The following RPL3L variants were observed in gnomAD, a reference collection of about 807,000 sequenced individuals.
RPL3L encodes the protein ribosomal protein uL3-like.
In RPL3L, 44 loss-of-function variants were observed where a neutral mutation model predicts 44.5. That is an observed-to-expected ratio of 0.99 (90% CI 0.78 to 1.27). The LOEUF is 1.27. RPL3L is among the 50% of genes most tolerant of loss of function. The probability of loss-of-function intolerance (pLI) is 0.00; values close to 1 mark genes in which losing one functional copy is unlikely to be tolerated. For missense variants in RPL3L, 631 were observed against 569.1 expected (o/e 1.11, Z -1.11); for synonymous variants, 292 against 230.7 (o/e 1.27, Z -2.41).
At chr16:1,948,461 G>C (rs2083142210) in intron 4 of RPL3L, among the ~76,000 whole-genome samples, 1 of 151,954 alleles carries the variant, frequency 6.6e-6, no homozygotes, top group African/African-American at 2.4e-5. Context: ...CTGACTTCAA[G>C]CGATCCACCC....
In RPL3L at chr16:1,954,036, T is replaced by A; in HGVS notation, c.116A>T (p.Gln39Leu). 2 of 1,608,434 alleles carry A rather than the reference T, an allele frequency of 1.2e-6. No homozygotes were observed. Among genetic ancestry groups the A allele is most frequent in the Non-Finnish European group, 1.7e-6 (2 of 1,177,872 alleles). ...VKTWPRDDPSQPVHLTAFLGY... is the reference protein window; with the variant it reads ...VKTWPRDDPSLPVHLTAFLGY... ...CAGGAAGGCCGTGAGGTGCACGGGCTGGCTGGGGTCATCCCGCGGCCACGT... is the reference window on the plus strand; with the variant it reads ...CAGGAAGGCCGTGAGGTGCACGGGCAGGCTGGGGTCATCCCGCGGCCACGT... Residue 39 changes from glutamine (Q) to leucine (L), a missense_variant, in exon 2 of 10, where the codon CAG becomes CTG. Gln to Leu is a moderately radical substitution (Grantham distance 113). Transcript: ENST00000268661.
chr16:1,952,465 C>G (rs1356801396), intron 3 of RPL3L, among the ~76,000 whole-genome samples: 1 of 152,110 alleles, frequency 6.6e-6, no homozygotes, highest in African/African-American at 2.4e-5. Context: ...CAACCTTCAC[C>G]TCCCAGTTCA....
At chr16:1,953,520 T>G (rs970968886) in intron 2 of RPL3L, among the ~76,000 whole-genome samples, 1 of 152,196 alleles carries the variant, frequency 6.6e-6, no homozygotes, top group South Asian at 2.1e-4. Context: ...ATGCCCGGCC[T>G]GCATTATTTC....
intron 9 of RPL3L, 39 bp downstream of exon 9, chr16:1,945,460 A>G (rs767944123): frequency 5.1e-6 from 8 of 1,583,000 alleles, no homozygotes; most frequent in African/African-American, 2.7e-5. Context: ...GTGGAGCTGG[A>G]GCCCCAGAGA....
rs772995166 is a variant in RPL3L at position 1,945,936 on chromosome 16, GAGGACAC to G, written c.952-13_952-7del. On this transcript the variant is annotated splice_region_variant and splice_polypyrimidine_tract_variant and intron_variant, in intron 7 of 9. Coordinates refer to ENST00000268661, the MANE Select transcript of RPL3L (RefSeq NM_005061.3). ...CCGTAGTGGGGGAAGCCACCCTGCA[GAGGACAC>G]AGGTCAGAGGCCAGGCCCGGAAAGG... 1 of 1,606,852 alleles carries G rather than the reference GAGGACAC, an allele frequency of 6.2e-7. No homozygotes were observed. The highest frequency in any genetic ancestry group is 8.5e-7 in the Non-Finnish European group (1 of 1,176,432).
In RPL3L at chr16:1,950,819, C is replaced by T. The variant is rs572872932; in HGVS notation, c.501+25G>A. The T allele has an allele frequency of 4.2e-5, 68 of 1,613,842 alleles. 2 individuals carry two copies. In the South Asian group the frequency reaches 5.7e-4, roughly 14 times the overall value. ...AGGGAGCGTGGTCCTAGGGACTGAC[C>T]GACAGCGGAGGGCCGGGGGCTGACC... On this transcript the variant is annotated intron_variant, in intron 4 of 9. Transcript: ENST00000268661.
chr16:1,953,018 T>C lies in RPL3L; in HGVS notation c.221A>G (p.Glu74Gly), dbSNP rs752168626. The change falls in exon 3 of 10, where the codon GAG becomes GGG. Residue 74 changes from glutamate to glycine, a missense_variant. Physicochemically the swap from Glu to Gly is moderately conservative, Grantham distance 98 (BLOSUM62 -2). Transcript: ENST00000268661. Reference sequence around the variant, plus strand: ...CGGCGTTTCTACAATTGTCACCGCCTCCACCTCCTCCCGTTTGGAAATTTC... The same window carrying C: ...CGGCGTTTCTACAATTGTCACCGCCCCCACCTCCTCCCGTTTGGAAATTTC... ...GLKISKREEV[E>G]AVTIVETPPL... The C allele has an allele frequency of 3.7e-5, 59 of 1,602,978 alleles. No individual in the cohort carries two copies. The highest frequency in any genetic ancestry group is 2.0e-4 in the South Asian group (18 of 89,852).
In RPL3L at chr16:1,950,826, G is replaced by A. The variant is rs73494195; in HGVS notation, c.501+18C>T. ...GTGGTCCTAGGGACTGACCGACAGC[G>A]GAGGGCCGGGGGCTGACCTGAGTGT... On this transcript the variant is annotated intron_variant, in intron 4 of 9. Transcript: ENST00000268661. The A allele has an allele frequency of 7.6e-3, 12,240 of 1,613,890 alleles. 361 individuals carry two copies. The highest frequency in any genetic ancestry group is 0.066 in the African/African-American group (4,980 of 75,006).
rs748454877 is a variant in RPL3L at position 1,954,675 on chromosome 16, C to T, written c.-44G>A. 11 of 1,498,600 alleles carry T rather than the reference C, an allele frequency of 7.3e-6. No homozygotes were observed. The highest frequency in any genetic ancestry group is 4.3e-5 in the African/African-American group (3 of 69,820). 92.8% of individuals were successfully genotyped at this position (1,498,600 alleles called of 1,614,324 possible). A position where few individuals can be genotyped will look rare whatever the true frequency, so the allele number is the denominator to read the frequency against. ...GTCAGGAAGGGGCCTCGCCGCTAGC[C>T]GCCAGAGGTCGAGTGGCAGGGCCAG... On this transcript the variant is annotated 5_prime_UTR_variant, in exon 1 of 10. Transcript: ENST00000268661.
chr16:1,951,719 AG>A (rs1410817232), intron 3 of RPL3L, among the ~76,000 whole-genome samples: 1 of 143,722 alleles, frequency 7.0e-6, no homozygotes, highest in Non-Finnish European at 1.5e-5. Flanking sequence ...GAGTTCTGGG[AG>A]GTGGACATTA....
chr16:1,954,548 G>A lies in RPL3L; in HGVS notation c.3+81C>T. On this transcript the variant is annotated intron_variant, in intron 1 of 9. Transcript: ENST00000268661. Reference sequence around the variant, plus strand: ...AGGCTGGGAGACTGTCCCTCTGAGGGAGCATCCAGAAGCCCAGCTGTCCCA... The same window carrying A: ...AGGCTGGGAGACTGTCCCTCTGAGGAAGCATCCAGAAGCCCAGCTGTCCCA... 5 of 1,436,076 alleles carry A rather than the reference G, an allele frequency of 3.5e-6. No individual in the cohort carries two copies. In the South Asian group the frequency reaches 3.9e-5, roughly 11 times the overall value. 89.0% of individuals were successfully genotyped at this position (1,436,076 alleles called of 1,614,324 possible). A position where few individuals can be genotyped will look rare whatever the true frequency, so the allele number is the denominator to read the frequency against.
In RPL3L at chr16:1,954,109, C is replaced by T. The variant is rs760473495; in HGVS notation, c.43G>A (p.Gly15Ser). 1 of 1,600,978 alleles carries T rather than the reference C, an allele frequency of 6.2e-7. No homozygotes were observed. The highest frequency in any genetic ancestry group is 1.1e-5 in the South Asian group (1 of 88,850). The change falls in exon 2 of 10, where the codon GGC becomes AGC. Residue 15 changes from glycine to serine, a missense_variant. Gly to Ser is a moderately conservative substitution (Grantham distance 56). Transcript: ENST00000268661. Reference protein sequence around the residue: ...KFSAPRHGHLGFLPHKRSHRH... With the variant: ...KFSAPRHGHLSFLPHKRSHRH... ...TGGCTCCTCTTATGGGGCAGGAAGC[C>T]CAGGTGTCCGTGCCGAGGGGCGGAA...
Position 1,944,899 on chromosome 16 carries a change from T to G in RPL3L, c.1168-6A>C. The G allele has an allele frequency of 6.2e-7, 1 of 1,612,470 alleles. No homozygotes were observed. Among genetic ancestry groups the G allele is most frequent in the Non-Finnish European group, 8.5e-7 (1 of 1,179,828 alleles). On this transcript the variant is annotated splice_region_variant and splice_polypyrimidine_tract_variant and intron_variant, in intron 9 of 9. Coordinates refer to ENST00000268661, the MANE Select transcript of RPL3L (RefSeq NM_005061.3). ...AGATGCTTCTTTTGGGGGCCCTGGTTGAGAGGGTGGTGCAGGAGGAGCCTT... is the reference window on the plus strand; with the variant it reads ...AGATGCTTCTTTTGGGGGCCCTGGTGGAGAGGGTGGTGCAGGAGGAGCCTT...
chr16:1,953,855 T>G, intron 2 of RPL3L, 101 bp downstream of exon 2: 11 of 1,235,790 alleles, frequency 8.9e-6, no homozygotes, highest in Non-Finnish European at 1.2e-5. Flanking sequence ...TGGTGCTCCC[T>G]GGGACTGTGG....
In RPL3L at chr16:1,945,576, C is replaced by T. The variant is rs1204558466; in HGVS notation, c.1090G>A (p.Glu364Lys). 6.2e-7 allele frequency: 1 copy of T among 1,613,736 alleles called. No homozygotes were observed. The highest frequency in any genetic ancestry group is 8.5e-7 in the Non-Finnish European group (1 of 1,179,982). Residue 364 changes from glutamate (E) to lysine (K), a missense_variant, in exon 9 of 10, where the codon GAG becomes AAG. Glu to Lys is a moderately conservative substitution (Grantham distance 56). Coordinates refer to ENST00000268661, the MANE Select transcript of RPL3L (RefSeq NM_005061.3). ...HHSRQAVENI[E>K]LKFIDTTSKF... ...GAGGTGGTGTCAATGAACTTGAGCT[C>T]AATATTCTCCACGGCTTGGCGACTG...
At chr16:1,954,204 G>A (rs1597030912) in intron 1 of RPL3L, 56 bp from the exon 2 acceptor site, 2 of 1,464,526 alleles carry the variant, frequency 1.4e-6, no homozygotes, top group Admixed American at 2.3e-5. Flanking sequence ...GGTAGAGCTG[G>A]ATGGTCCCAG....
At chr16:1,951,750 T>G (rs1272987521) in intron 3 of RPL3L, among the ~76,000 whole-genome samples, 1 of 147,630 alleles carries the variant, frequency 6.8e-6, no homozygotes, top group South Asian at 2.1e-4. Context: ...TTATTATTAT[T>G]ATTATTATTA....
chr16:1,954,255 G>A (rs2083191905), intron 1 of RPL3L, 107 bp from the exon 2 acceptor site: 7 of 1,193,342 alleles, frequency 5.9e-6, no homozygotes, highest in African/African-American at 3.2e-5. Flanking sequence ...TTCAGACTGA[G>A]GCCTGTGCTC....
intron 4 of RPL3L, among the ~76,000 whole-genome samples, chr16:1,948,282 G>A (rs1311088743): frequency 6.6e-6 from 1 of 151,896 alleles, no homozygotes; most frequent in Non-Finnish European, 1.5e-5. Flanking sequence ...GGAGTACAGT[G>A]GGGCGATCTC....
Sources: allele counts gnomAD v4.1 joint callset (sites outside exome capture counted in the v4.1 genomes callset), GRCh38; gene constraint gnomAD v4.1.1; transcripts MANE v1.5; gene names NCBI Gene and HGNC (gene_info 2026-07-23, HGNC 2026-07-21).